Variants in ANO10 observed in about 807,000 individuals in gnomAD.
ANO10 encodes the protein anoctamin-10.
In ANO10, 77 loss-of-function variants were observed where a neutral mutation model predicts 74.7. That is an observed-to-expected ratio of 1.03 (90% confidence interval 0.86 to 1.25). The LOEUF is 1.25. Among genes scored for constraint, ANO10 ranks in the 50% most tolerant of loss-of-function variants. ANO10 has a pLI of 0.00. For synonymous variants in ANO10, 279 were observed against 284.9 expected, an observed-to-expected ratio of 0.98 and a Z score of 0.21; for missense variants, 721 against 778.1, an observed-to-expected ratio of 0.93 and a Z score of 0.87.
At chr3:43,398,780 A>G (rs2092427589) in intron 12 of ANO10, among the ~76,000 whole-genome samples, 1 of 152,294 alleles carries the variant, frequency 6.6e-6, no homozygotes, top group East Asian at 1.9e-4. Flanking sequence ...AGAATTTCCT[A>G]ATCTCTGTGC....
intron 12 of ANO10, among the ~76,000 whole-genome samples, chr3:43,418,199 A>G (rs138337549): frequency 6.6e-6 from 1 of 152,282 alleles, no homozygotes; most frequent in Non-Finnish European, 1.5e-5. Flanking sequence ...ATCGTCTGAA[A>G]CTGGGAGGCA....
chr3:43,444,838 T>G (rs1023458638), intron 11 of ANO10, among the ~76,000 whole-genome samples: 4 of 152,092 alleles, frequency 2.6e-5, no homozygotes, highest in African/African-American at 9.7e-5. Context: ...CTGCAAGAAA[T>G]CCATCTTAAA....
intron 11 of ANO10, among the ~76,000 whole-genome samples, chr3:43,521,679 C>T (rs971445295): frequency 1.1e-4 from 16 of 152,098 alleles, no homozygotes; most frequent in Admixed American, 2.6e-4. Flanking sequence ...CTGAAACCCT[C>T]GTACGTTGCT....
intron 11 of ANO10, among the ~76,000 whole-genome samples, chr3:43,537,157 C>A (rs1263509231): frequency 6.6e-6 from 1 of 152,170 alleles, no homozygotes; most frequent in Non-Finnish European, 1.5e-5. Context: ...AAGAGCTCTA[C>A]CTGTCATCTT....
At chr3:43,504,300 G>GTAGATAGACAGATAGATAGATAGA (rs753469115) in intron 11 of ANO10, among the ~76,000 whole-genome samples, 17 of 139,724 alleles carry the variant, frequency 1.2e-4, no homozygotes, top group African/African-American at 3.4e-4. Context: ...AGGTAGGTAG[G>GTAGATAGACAGATAGATAGATAGA]TAGATAGATA....
chr3:43,674,552 A>C (rs2084098449), intron 1 of ANO10, among the ~76,000 whole-genome samples: 1 of 152,186 alleles, frequency 6.6e-6, no homozygotes, highest in Non-Finnish European at 1.5e-5. Context: ...CTCAACACTT[A>C]AGACATATTT....
chr3:43,511,786 G>A (rs1181371079), intron 11 of ANO10, among the ~76,000 whole-genome samples: 1 of 152,184 alleles, frequency 6.6e-6, no homozygotes. Flanking sequence ...AAAGCATACA[G>A]GGGCTCTCTA....
chr3:43,400,753 C>G (rs906110368), intron 12 of ANO10, among the ~76,000 whole-genome samples: 2 of 152,074 alleles, frequency 1.3e-5, no homozygotes, highest in Non-Finnish European at 1.5e-5. Context: ...GAACTCCAGC[C>G]TGGGAGAGTG....
At chr3:43,542,484 AG>A (rs2079001344) in intron 11 of ANO10, among the ~76,000 whole-genome samples, 1 of 152,212 alleles carries the variant, frequency 6.6e-6, no homozygotes, top group Non-Finnish European at 1.5e-5. Flanking sequence ...TAGAGCTGAC[AG>A]AGTCATATGA....
At chr3:43,683,576 A>G (rs994004356) in intron 1 of ANO10, among the ~76,000 whole-genome samples, 3 of 152,048 alleles carry the variant, frequency 2.0e-5, no homozygotes, top group African/African-American at 7.2e-5. Context: ...TTGGAAAAAA[A>G]TACTTTAAAG....
At chr3:43,459,092 TTAGG>T (rs1405424266) in intron 11 of ANO10, among the ~76,000 whole-genome samples, 2 of 152,122 alleles carry the variant, frequency 1.3e-5, no homozygotes, top group Non-Finnish European at 1.5e-5. Flanking sequence ...TTTAATGCCA[TTAGG>T]TGGGCTCTAA....
chr3:43,679,941 A>G (rs1409456877), intron 1 of ANO10, among the ~76,000 whole-genome samples: 1 of 152,300 alleles, frequency 6.6e-6, no homozygotes, highest in East Asian at 1.9e-4. Context: ...TCTGTACGTC[A>G]CCATCATCAA....
At chr3:43,634,364 T>C (rs1266300208) in intron 1 of ANO10, among the ~76,000 whole-genome samples, 1 of 151,920 alleles carries the variant, frequency 6.6e-6, no homozygotes, top group African/African-American at 2.4e-5. Context: ...CTATTAAGAG[T>C]GTAGGCAGTG....
At chr3:43,564,516 A>G (rs1307731362) in intron 8 of ANO10, among the ~76,000 whole-genome samples, 1 of 152,170 alleles carries the variant, frequency 6.6e-6, no homozygotes, top group East Asian at 1.9e-4. Flanking sequence ...TAAAACTATA[A>G]TTATCCTATA....
At position 43,580,421 on chromosome 3, in the gene ANO10, T is replaced by G. The variant is rs757320803; in HGVS notation, c.524A>C (p.Asp175Ala). 3 of 1,613,986 alleles carry G rather than the reference T, an allele frequency of 1.9e-6. No homozygotes were observed. The highest frequency in any genetic ancestry group is 2.5e-6 in the Non-Finnish European group (3 of 1,179,986). Reference sequence around the variant, plus strand: ...CTCAAGCTTCTTCAGGGCTTCACTGTCATGCAGTGGAAACACCTGAATCAC... The same window carrying G: ...CTCAAGCTTCTTCAGGGCTTCACTGGCATGCAGTGGAAACACCTGAATCAC... Reference protein sequence around the residue: ...GIVIQVFPLHDSEALKKLEDT... With the variant: ...GIVIQVFPLHASEALKKLEDT... Residue 175 changes from aspartate (D) to alanine (A), a missense_variant, in exon 5 of 13, where the codon GAC becomes GCC. Coordinates refer to ENST00000292246, the MANE Select transcript of ANO10 (RefSeq NM_018075.5).
At chr3:43,370,307 C>T (rs570587623) in intron 12 of ANO10, among the ~76,000 whole-genome samples, 37 of 152,324 alleles carry the variant, frequency 2.4e-4, no homozygotes, top group Non-Finnish European at 3.2e-4. Flanking sequence ...GCAGTGGACC[C>T]CAGACTCTCT....
At chr3:43,495,183 A>G (rs2076870305) in intron 11 of ANO10, among the ~76,000 whole-genome samples, 1 of 152,090 alleles carries the variant, frequency 6.6e-6, no homozygotes, top group African/African-American at 2.4e-5. Flanking sequence ...TTCTTTGGAA[A>G]ATATGAAGTT....
chr3:43,598,489 T>C (rs1412623166), intron 4 of ANO10, 43 bp downstream of exon 4: 1 of 1,602,240 alleles, frequency 6.2e-7, no homozygotes, highest in Admixed American at 1.7e-5. Context: ...TAATTTGCTA[T>C]TTATGTCTAT....
intron 1 of ANO10, among the ~76,000 whole-genome samples, chr3:43,664,432 A>C (rs1173659250): frequency 6.6e-6 from 1 of 152,214 alleles, no homozygotes; most frequent in Non-Finnish European, 1.5e-5. Flanking sequence ...AAAATCCTAG[A>C]AGAAAACCTG....
Sources: allele counts gnomAD v4.1 joint callset (sites outside exome capture counted in the v4.1 genomes callset), GRCh38; gene constraint gnomAD v4.1.1; transcripts MANE v1.5; gene names NCBI Gene and HGNC (gene_info 2026-07-23, HGNC 2026-07-21).